ARHGEF7: variants seen among roughly 807,000 people sequenced by gnomAD.
ARHGEF7 encodes the protein Rho guanine nucleotide exchange factor 7.
Under a neutral mutation model 109.8 loss-of-function variants are expected in ARHGEF7, and 33 were observed. The ratio of observed to expected loss-of-function variants is 0.30; its 90% confidence interval spans 0.23 to 0.40. ARHGEF7 has a LOEUF of 0.40. Ranked by LOEUF, ARHGEF7 falls within the 10% of genes least tolerant of loss-of-function variation. The pLI, the probability that ARHGEF7 is intolerant of heterozygous loss-of-function variation, is 1.00. For synonymous variants in ARHGEF7, 458 were observed against 424.6 expected (o/e 1.08, Z -0.97); for missense variants, 938 against 1,098.5 (o/e 0.85, Z 2.07).
At chr13:111,242,339 G>A (rs2087936974) in intron 6 of ARHGEF7, among the ~76,000 whole-genome samples, 1 of 152,174 alleles carries the variant, frequency 6.6e-6, no homozygotes, top group Admixed American at 6.5e-5. Flanking sequence ...GACCCGGGTT[G>A]TCTTTACTAA....
intron 1 of ARHGEF7, among the ~76,000 whole-genome samples, chr13:111,132,820 T>A (rs1424991377): frequency 2.6e-5 from 4 of 152,200 alleles, no homozygotes; most frequent in Non-Finnish European, 4.4e-5. Context: ...TACTTTTTTC[T>A]TTTTAATCCT....
intron 9 of ARHGEF7, among the ~76,000 whole-genome samples, chr13:111,268,745 C>CA (rs1476983366): frequency 1.3e-5 from 2 of 152,216 alleles, no homozygotes; most frequent in Admixed American, 6.5e-5. Flanking sequence ...TGAAGGAACT[C>CA]ATTCACAGGG....
intron 2 of ARHGEF7, among the ~76,000 whole-genome samples, chr13:111,179,171 C>T (rs368023934): frequency 2.6e-5 from 4 of 151,994 alleles, no homozygotes; most frequent in Admixed American, 6.5e-5. Flanking sequence ...CTCTGCCTCC[C>T]GGGTTCAAGC....
intron 1 of ARHGEF7, among the ~76,000 whole-genome samples, chr13:111,130,054 A>G (rs972859927): frequency 6.6e-6 from 1 of 152,260 alleles, no homozygotes; most frequent in African/African-American, 2.4e-5. Context: ...ATAAGAAGGA[A>G]TATTCCATGA....
At chr13:111,124,695 C>T (rs1316274656) in intron 1 of ARHGEF7, among the ~76,000 whole-genome samples, 1 of 152,220 alleles carries the variant, frequency 6.6e-6, no homozygotes, top group Non-Finnish European at 1.5e-5. Context: ...TGAAGCCCCA[C>T]CCATCCTCCG....
rs760258415 is a variant in ARHGEF7 at position 111,145,717 on chromosome 13, C to T, written c.166-8188C>T. 7.2e-5 allele frequency among the ~76,000 whole-genome samples: 11 copies of T among 152,214 alleles called. No homozygotes were observed. The highest frequency in any genetic ancestry group is 1.2e-4 in the Non-Finnish European group (8 of 68,046). On this transcript the variant is annotated intron_variant, in intron 1 of 21. Coordinates refer to ENST00000646102, the MANE Select transcript of ARHGEF7 (RefSeq NM_001354046.2). This position sits in a 1 kb window ranked among gnomAD's most constrained non-coding sequence, Gnocchi z 4.3. ...GGCCCCTGCTTCCTGCCAGGGCCTC[C>T]TATTGGCTCAACCCCACCAGAAGCC...
At chr13:111,245,822 A>G (rs945108904) in intron 8 of ARHGEF7, among the ~76,000 whole-genome samples, 2 of 152,254 alleles carry the variant, frequency 1.3e-5, no homozygotes, top group African/African-American at 4.8e-5. Context: ...GTCTAAAATA[A>G]ACAGCAAGTA....
chr13:111,248,800 G>T (rs558714737), intron 8 of ARHGEF7, among the ~76,000 whole-genome samples: 15 of 152,062 alleles, frequency 9.9e-5, no homozygotes, highest in Non-Finnish European at 1.5e-4. Flanking sequence ...CTGCTTTAAG[G>T]TCCCATCTGC....
chr13:111,292,540 C>G (rs1452575294), intron 19 of ARHGEF7: 1 of 1,404,112 alleles, frequency 7.1e-7, no homozygotes, highest in African/African-American at 1.4e-5. Flanking sequence ...GTGGTGTGTT[C>G]ACGTGAGCCT....
intron 2 of ARHGEF7, among the ~76,000 whole-genome samples, chr13:111,204,901 A>G (rs562498106): frequency 6.6e-6 from 1 of 152,316 alleles, no homozygotes; most frequent in East Asian, 1.9e-4. Flanking sequence ...AGGAAAGAAC[A>G]TCTGTAGCAC....
chr13:111,280,650 A>G lies in ARHGEF7; in HGVS notation c.1698A>G (p.Ile566Met), dbSNP rs766456509. ...TKVTSVGNPT[I>M]KPHSVPSHTL... ...TCACGTCTGTGGGAAACCCCACCAT[A>G]AAGCCTCATTCAGTGCCATCTCATA... The change falls in exon 15 of 22, where the codon ATA becomes ATG. Residue 566 changes from isoleucine to methionine, a missense_variant. Ile to Met is a conservative substitution (Grantham distance 10). Coordinates refer to ENST00000646102, the MANE Select transcript of ARHGEF7 (RefSeq NM_001354046.2). 6.2e-7 allele frequency: 1 copy of G among 1,607,754 alleles called. No homozygotes were observed. Among genetic ancestry groups the G allele is most frequent in the South Asian group, 1.1e-5 (1 of 89,860 alleles).
At position 111,272,701 on chromosome 13, in the gene ARHGEF7, C is replaced by T. The variant is rs1396582253; in HGVS notation, c.1074-1113C>T. ...ACTGAGAAGTCATCCTGGTCTGGACCTGGCATCGGCTGCCAGCGCTGGTGC... is the reference window on the plus strand; with the variant it reads ...ACTGAGAAGTCATCCTGGTCTGGACTTGGCATCGGCTGCCAGCGCTGGTGC... On this transcript the variant is annotated intron_variant, in intron 9 of 21. Transcript: ENST00000646102. This position sits in a 1 kb window ranked among gnomAD's most constrained non-coding sequence, Gnocchi z 5.2. Among the ~76,000 whole-genome samples the T allele has an allele frequency of 1.3e-5, 2 of 152,102 alleles. No homozygotes were observed. The highest frequency in any genetic ancestry group is 2.9e-5 in the Non-Finnish European group (2 of 68,020).
chr13:111,265,653 T>G, intron 8 of ARHGEF7: 1 of 456,652 alleles, frequency 2.2e-6, no homozygotes, highest in South Asian at 1.5e-5. Flanking sequence ...GTGGTCTGAA[T>G]GTGTTTCCCC....
intron 1 of ARHGEF7, chr13:111,153,656 G>T (rs759866702): frequency 5.7e-6 from 7 of 1,224,514 alleles, no homozygotes; most frequent in South Asian, 2.5e-5. Flanking sequence ...CACTTCCGGC[G>T]CCGGGGCTCA....
intron 1 of ARHGEF7, among the ~76,000 whole-genome samples, chr13:111,133,135 A>T (rs923774516): frequency 6.6e-6 from 1 of 152,122 alleles, no homozygotes; most frequent in Non-Finnish European, 1.5e-5. Context: ...ATACACGTGC[A>T]TATGTACACA....
At chr13:111,142,804 C>CCAAAA (rs574079356) in intron 1 of ARHGEF7, among the ~76,000 whole-genome samples, 316 of 152,368 alleles carry the variant, frequency 2.1e-3, no homozygotes, top group African/African-American at 7.1e-3. Flanking sequence ...GAGCCTGCCT[C>CCAAAA]TTTGCATGCC....
At chr13:111,156,665 C>T (rs2076363250) in intron 2 of ARHGEF7, among the ~76,000 whole-genome samples, 1 of 152,192 alleles carries the variant, frequency 6.6e-6, no homozygotes, top group Non-Finnish European at 1.5e-5. Flanking sequence ...ATGCGGGCCA[C>T]AGTGCAGCAA....
intron 1 of ARHGEF7, among the ~76,000 whole-genome samples, chr13:111,128,469 G>T (rs1416459285): frequency 1.3e-5 from 2 of 151,996 alleles, no homozygotes; most frequent in Non-Finnish European, 2.9e-5. Flanking sequence ...CTCCAGCCTG[G>T]GTGACAGAGC....
chr13:111,274,864 A>G (rs1313423359), intron 11 of ARHGEF7, 74 bp downstream of exon 11: 2 of 1,070,506 alleles, frequency 1.9e-6, no homozygotes, highest in Admixed American at 2.9e-5. Flanking sequence ...TTATCAACTG[A>G]AAAAGTCAAA....
Sources: gnomAD v4.1 joint callset for allele counts (sites outside exome capture counted in the v4.1 genomes callset) on GRCh38, gnomAD v4.1.1 for gene constraint, Gnocchi (gnomAD v3.1) non-coding constraint, MANE v1.5 for transcripts, NCBI Gene and HGNC (gene_info 2026-07-23, HGNC 2026-07-21) for gene names.